GRK3: variants seen among roughly 807,000 people sequenced by gnomAD.
GRK3 encodes G protein-coupled receptor kinase 3, also known as adrenergic, beta, receptor kinase 2.
Under a neutral mutation model 95.7 loss-of-function variants are expected in GRK3, and 54 were observed. The observed-to-expected ratio is 0.56, with a 90% CI of 0.45 to 0.71. GRK3 has a LOEUF of 0.71. Among genes scored for constraint, GRK3 ranks in the 30% least tolerant of loss-of-function variants. GRK3 has a pLI of 0.00. For synonymous variants in GRK3, 281 were observed against 290.8 expected (o/e 0.97, Z 0.34); for missense variants, 649 against 851.2 (o/e 0.76, Z 2.96).
intron 16 of GRK3, 111 bp from the exon 17 acceptor site, chr22:25,710,957 C>G (rs988113635): frequency 1.9e-6 from 1 of 527,658 alleles, no homozygotes; most frequent in Non-Finnish European, 3.3e-6. Flanking sequence ...TGACATGCTG[C>G]GCAGTGGAGC....
intron 13 of GRK3, among the ~76,000 whole-genome samples, chr22:25,697,159 A>G (rs1407169080): frequency 6.6e-6 from 1 of 152,266 alleles, no homozygotes; most frequent in East Asian, 1.9e-4. Context: ...TGACAATCCC[A>G]GAAGCCTTGT....
intron 2 of GRK3, among the ~76,000 whole-genome samples, chr22:25,644,153 TTG>T (rs1481889199): frequency 0.014 from 2,116 of 151,368 alleles, 20 homozygotes; most frequent in South Asian, 0.041. Flanking sequence ...TTTTGTTTGT[TTG>T]TTTTTTTTTT....
chr22:25,574,261 G>GTC (rs1931808535), intron 1 of GRK3, among the ~76,000 whole-genome samples: 1 of 152,116 alleles, frequency 6.6e-6, no homozygotes, highest in Non-Finnish European at 1.5e-5. Flanking sequence ...AAAGCAGGAG[G>GTC]ATTGCTTGAG....
chr22:25,685,215 G>A lies in GRK3; in HGVS notation c.793G>A (p.Asp265Asn). 6.2e-7 allele frequency: 1 copy of A among 1,613,630 alleles called. No homozygotes were observed. Among genetic ancestry groups the A allele is most frequent in the South Asian group, 1.1e-5 (1 of 91,066 alleles). Residue 265 changes from aspartate to asparagine, a missense_variant, in exon 10 of 21, where the codon GAT becomes AAT. Around this residue, in one of 3 missense-constraint regions of GRK3, gnomAD observed 61 missense variants for 126.0 expected, o/e 0.48. Coordinates refer to ENST00000324198, the MANE Select transcript of GRK3 (RefSeq NM_005160.4). The stretch of plus-strand genomic sequence containing the variant: ...TATGACCTATGCCTTCCATACCCCA[G>A]ATAAACTCTGCTTCATCCTGGATCT... ...VCMTYAFHTP[D>N]KLCFILDLMN... is the part of the protein sequence containing the mutation.
rs535010860 is a variant in GRK3, at chr22:25,611,999, A to G, written c.190+7546A>G. Among the ~76,000 whole-genome samples, 221 of 151,968 alleles carry G rather than the reference A, an allele frequency of 1.5e-3. 1 individual carries two copies. The highest frequency in any genetic ancestry group is 5.2e-3 in the African/African-American group (216 of 41,444). ...AGGAGCACACCACCACACCCAGCTA[A>G]TTTTTTATATTTCAGTAGAGACGGG... On this transcript the variant is annotated intron_variant, in intron 2 of 20. Coordinates refer to ENST00000324198, the MANE Select transcript of GRK3 (RefSeq NM_005160.4).
chr22:25,642,048 A>G (rs1022479507), intron 2 of GRK3, among the ~76,000 whole-genome samples: 7 of 152,250 alleles, frequency 4.6e-5, no homozygotes, highest in Admixed American at 4.6e-4. Context: ...AAAGAAATAC[A>G]TGTGGCAAAA....
chr22:25,631,050 T>C (rs2084660429), intron 2 of GRK3, among the ~76,000 whole-genome samples: 1 of 152,208 alleles, frequency 6.6e-6, no homozygotes. Context: ...CTTTGATTTA[T>C]GTTTATTTGC....
chr22:25,576,035 G>C (rs1004360869), intron 1 of GRK3, among the ~76,000 whole-genome samples: 5 of 152,188 alleles, frequency 3.3e-5, no homozygotes, highest in Admixed American at 3.3e-4. Flanking sequence ...TACTAAGTGA[G>C]AGCCTCCCCC....
chr22:25,667,711 C>A, intron 5 of GRK3, 28 bp from the exon 6 acceptor site: 2 of 1,550,706 alleles, frequency 1.3e-6, no homozygotes, highest in Non-Finnish European at 1.8e-6. Flanking sequence ...ATTCATTCAC[C>A]GTGGAATTTC....
At chr22:25,709,865 T>C (rs772483293) in intron 15 of GRK3, 33 bp from the exon 16 acceptor site, 2 of 1,529,148 alleles carry the variant, frequency 1.3e-6, no homozygotes, top group Non-Finnish European at 1.8e-6. Flanking sequence ...TCCAAATGCA[T>C]ACTCAGCACT....
At chr22:25,601,822 AAATT>A (rs1230891500) in intron 1 of GRK3, among the ~76,000 whole-genome samples, 6 of 152,246 alleles carry the variant, frequency 3.9e-5, no homozygotes, top group African/African-American at 1.4e-4. Context: ...CTCTACACAA[AAATT>A]AACCTGAAAT....
chr22:25,574,289 A>G (rs1307172690), intron 1 of GRK3, among the ~76,000 whole-genome samples: 1 of 152,192 alleles, frequency 6.6e-6, no homozygotes, highest in Non-Finnish European at 1.5e-5. Flanking sequence ...GTTCAAGACC[A>G]GCCTGGGCAA....
intron 9 of GRK3, 59 bp from the exon 10 acceptor site, chr22:25,685,111 T>A: frequency 9.3e-7 from 1 of 1,075,358 alleles, no homozygotes; most frequent in Non-Finnish European, 1.4e-6. Flanking sequence ...TGTTTGGTGG[T>A]AGATGTGCTT....
At chr22:25,630,893 C>T (rs970118384) in intron 2 of GRK3, among the ~76,000 whole-genome samples, 3 of 152,260 alleles carry the variant, frequency 2.0e-5, no homozygotes, top group African/African-American at 7.2e-5. Flanking sequence ...TTACAATATT[C>T]CCAAATTATA....
At chr22:25,705,600 T>C (rs914030623) in intron 15 of GRK3, among the ~76,000 whole-genome samples, 3 of 152,164 alleles carry the variant, frequency 2.0e-5, no homozygotes, top group Non-Finnish European at 4.4e-5. Flanking sequence ...TATATACATA[T>C]ATAGTATGAT....
At chr22:25,656,152 G>A (rs1439577776) in intron 3 of GRK3, among the ~76,000 whole-genome samples, 7 of 152,180 alleles carry the variant, frequency 4.6e-5, no homozygotes, top group Non-Finnish European at 1.5e-5. Flanking sequence ...ACTGCTCTGT[G>A]TGTTGATTTA....
At position 25,586,147 on chromosome 22, in the gene GRK3, A is replaced by G. The variant is rs1932291194; in HGVS notation, c.114-18230A>G. On this transcript the variant is annotated intron_variant, in intron 1 of 20. Coordinates refer to ENST00000324198, the MANE Select transcript of GRK3 (RefSeq NM_005160.4). The stretch of plus-strand genomic sequence containing the variant: ...GATACTCTTTCACTCCTTTGTGGAC[A>G]TTTCACAGTGACATGTTGAGTCCTT... Among the ~76,000 whole-genome samples the G allele has an allele frequency of 4.6e-5, 7 of 152,260 alleles. No individual in the cohort carries two copies. The South Asian group carries it at 1.2e-3, about 27-fold the overall frequency.
intron 2 of GRK3, among the ~76,000 whole-genome samples, chr22:25,616,876 T>A (rs2084543561): frequency 6.6e-6 from 1 of 152,216 alleles, no homozygotes; most frequent in Non-Finnish European, 1.5e-5. Context: ...GTAACTTGAT[T>A]TGCACAGTGG....
intron 3 of GRK3, chr22:25,649,016 G>A (rs1601500430): frequency 1.7e-6 from 2 of 1,211,864 alleles, no homozygotes. Flanking sequence ...AGGGCAGAGT[G>A]CCATATCCAG....
Sources: gnomAD v4.1 joint callset for allele counts (sites outside exome capture counted in the v4.1 genomes callset) on GRCh38, gnomAD v4.1.1 for gene constraint, gnomAD v4.1.1 regional missense constraint, MANE v1.5 for transcripts, NCBI Gene and HGNC (gene_info 2026-07-23, HGNC 2026-07-21) for gene names.